The following ZNF844 variants were observed in gnomAD, a reference collection of about 807,000 sequenced individuals.
ZNF844 encodes the protein zinc finger protein 844.
Under a neutral mutation model 11.4 loss-of-function variants are expected in ZNF844, and 11 were observed. That is an observed-to-expected ratio of 0.97 (90% confidence interval 0.61 to 1.60). The LOEUF is 1.60. ZNF844 is among the 40% of genes most tolerant of loss of function. The pLI, the probability that ZNF844 is intolerant of heterozygous loss-of-function variation, is 0.00. For missense variants in ZNF844, 790 were observed against 796.8 expected (o/e 0.99, Z 0.10); for synonymous variants, 248 against 260.3 (o/e 0.95, Z 0.46).
chr19:12,070,576 C>T (rs1975744167), intron 1 of ZNF844, among the ~76,000 whole-genome samples: 1 of 152,178 alleles, frequency 6.6e-6, no homozygotes, highest in Admixed American at 6.6e-5. Context: ...CCAAGAAATC[C>T]ATCTTCCTCC....
At position 12,077,435 on chromosome 19, in the gene ZNF844, T is replaced by C; in HGVS notation, c.*314T>C. On this transcript the variant is annotated 3_prime_UTR_variant, in exon 4 of 4. Coordinates refer to ENST00000439326, the MANE Select transcript of ZNF844 (RefSeq NM_001136501.3). ...TGTCTTCTACTGCATTTCAGTATCA[T>C]GAAAAGACCCACACCAGAGAGAAAC... The C allele has an allele frequency of 6.2e-6, 4 of 643,474 alleles. No homozygotes were observed. The highest frequency in any genetic ancestry group is 1.2e-5 in the Non-Finnish European group (4 of 344,374). 39.9% of individuals were successfully genotyped at this position (643,474 alleles called of 1,614,324 possible). A position where few individuals can be genotyped will look rare whatever the true frequency, so the allele number is the denominator to read the frequency against.
Position 12,077,343 on chromosome 19 carries a change from C to T in ZNF844, c.*222C>T. On this transcript the variant is annotated 3_prime_UTR_variant, in exon 4 of 4. Transcript: ENST00000439326. ...AGCCTTTATTTCTTTCAGTTCCATT[C>T]AGTACCATGAAAGGACTCACACTGG... 1 of 889,908 alleles carries T rather than the reference C, an allele frequency of 1.1e-6. No homozygotes were observed. The highest frequency in any genetic ancestry group is 1.3e-5 in the South Asian group (1 of 75,042). 55.1% of individuals were successfully genotyped at this position (889,908 alleles called of 1,614,324 possible). A position where few individuals can be genotyped will look rare whatever the true frequency, so the allele number is the denominator to read the frequency against.
At position 12,064,761 on chromosome 19, in the gene ZNF844, G is replaced by T; in HGVS notation, c.-113G>T. 1 of 1,176,974 alleles carries T rather than the reference G, an allele frequency of 8.5e-7. No individual in the cohort carries two copies. Among genetic ancestry groups the T allele is most frequent in the Non-Finnish European group, 1.2e-6 (1 of 835,314 alleles). The allele number at this position is 1,176,974 out of a possible 1,614,324, so 72.9% of individuals were successfully genotyped here. On this transcript the variant is annotated 5_prime_UTR_variant, in exon 1 of 4. Transcript: ENST00000439326. ...TTGGCCCCTCCCGCCGGGTGAGGTT[G>T]GCACCCCGTTTTTCCTGCTCTGAGA...
chr19:12,077,279 C>T lies in ZNF844; in HGVS notation c.*158C>T. 7.7e-7 allele frequency: 1 copy of T among 1,306,138 alleles called. No homozygotes were observed. Among genetic ancestry groups the T allele is most frequent in the Admixed American group, 1.7e-5 (1 of 58,026 alleles). 80.9% of individuals were successfully genotyped at this position (1,306,138 alleles called of 1,614,324 possible). On this transcript the variant is annotated 3_prime_UTR_variant, in exon 4 of 4. Coordinates refer to ENST00000439326, the MANE Select transcript of ZNF844 (RefSeq NM_001136501.3). ...CCATTCGTAGACATGAAAGGACTCA[C>T]ACTGGAGAGAAACCCTATGAGTGTA... is the stretch of plus-strand genomic sequence containing the variant.
chr19:12,075,666 A>G lies in ZNF844; in HGVS notation c.546A>G (p.Ser182=). The G allele has an allele frequency of 6.2e-7, 1 of 1,612,266 alleles. No individual in the cohort carries two copies. Among genetic ancestry groups the G allele is most frequent in the Non-Finnish European group, 8.5e-7 (1 of 1,179,454 alleles). ...KECGKTFISH[S]SIQRHMIMHN... is the part of the protein sequence containing the mutation. Reference sequence around the variant, plus strand: ...GTGGAAAAACCTTCATATCCCATTCAAGCATTCAAAGACACATGATAATGC... The same window carrying G: ...GTGGAAAAACCTTCATATCCCATTCGAGCATTCAAAGACACATGATAATGC... The change falls in exon 4 of 4, where the codon TCA becomes TCG. Residue 182 remains serine, a synonymous_variant. Coordinates refer to ENST00000439326, the MANE Select transcript of ZNF844 (RefSeq NM_001136501.3).
At chr19:12,066,158 T>G (rs1261421181) in intron 1 of ZNF844, among the ~76,000 whole-genome samples, 1 of 151,976 alleles carries the variant, frequency 6.6e-6, no homozygotes, top group Admixed American at 6.6e-5. Flanking sequence ...ACTCCTGGGC[T>G]CAAGCGATCT....
Position 12,077,357 on chromosome 19 carries a change from GACTC to G in ZNF844, c.*239_*242del. ...TCAGTTCCATTCAGTACCATGAAAG[GACTC>G]ACACTGGAGAGAAACAGTATGAGTG... On this transcript the variant is annotated 3_prime_UTR_variant, in exon 4 of 4. Transcript: ENST00000439326. 4.9e-6 allele frequency: 4 copies of G among 821,352 alleles called. No individual in the cohort carries two copies. The Middle Eastern group carries it at 6.9e-4, about 142-fold the overall frequency. 50.9% of individuals were successfully genotyped at this position (821,352 alleles called of 1,614,324 possible).
chr19:12,064,952 C>A lies in ZNF844; in HGVS notation c.3+76C>A, dbSNP rs926562927. 13 of 1,496,072 alleles carry A rather than the reference C, an allele frequency of 8.7e-6. 1 individual carries two copies. The highest frequency in any genetic ancestry group is 2.8e-5 in the African/African-American group (2 of 70,828). The allele number at this position is 1,496,072 out of a possible 1,614,324, so 92.7% of individuals were successfully genotyped here. On this transcript the variant is annotated intron_variant, in intron 1 of 3. Coordinates refer to ENST00000439326, the MANE Select transcript of ZNF844 (RefSeq NM_001136501.3). ...GAGGCTGGTTGGAACTGGCTGGAAC[C>A]GGCTGTGCCGGGACCCGGACCTCCC...
Position 12,080,502 on chromosome 19 carries a change from A to T in ZNF844, c.*3381A>T. On this transcript the variant is annotated 3_prime_UTR_variant, in exon 4 of 4. Transcript: ENST00000439326. ...ATCAGTCACATTTTAGAGGCACCAA[A>T]CAGGTGCCACATCCATACAGGCTGA... 1 of 232,560 alleles carries T rather than the reference A, an allele frequency of 4.3e-6. No homozygotes were observed. Among genetic ancestry groups the T allele is most frequent in the South Asian group, 4.4e-5 (1 of 22,964 alleles). 14.4% of individuals were successfully genotyped at this position (232,560 alleles called of 1,614,324 possible). A position where few individuals can be genotyped will look rare whatever the true frequency, so the allele number is the denominator to read the frequency against.
chr19:12,069,178 C>CGTTTTTTT (rs760998604), intron 1 of ZNF844, among the ~76,000 whole-genome samples: 3 of 137,476 alleles, frequency 2.2e-5, no homozygotes, highest in African/African-American at 6.0e-5. Context: ...TTCTTTTATT[C>CGTTTTTTT]CTTTTTTTTT....
intron 3 of ZNF844, among the ~76,000 whole-genome samples, chr19:12,074,749 G>C (rs1797496745): frequency 6.6e-6 from 1 of 152,142 alleles, no homozygotes; most frequent in South Asian, 2.1e-4. Flanking sequence ...CTACATCGAA[G>C]GCTGAGGCAG....
chr19:12,066,546 T>G (rs551639463), intron 1 of ZNF844, among the ~76,000 whole-genome samples: 140 of 143,240 alleles, frequency 9.8e-4, no homozygotes, highest in African/African-American at 3.5e-3. Context: ...TTTTTTTTTT[T>G]TTTTTTTTGT....
In ZNF844 at chr19:12,064,758, G is replaced by C. The variant is rs1009298959; in HGVS notation, c.-116G>C. On this transcript the variant is annotated 5_prime_UTR_variant, in exon 1 of 4. Transcript: ENST00000439326. ...TCTTTGGCCCCTCCCGCCGGGTGAG[G>C]TTGGCACCCCGTTTTTCCTGCTCTG... The C allele has an allele frequency of 1.1e-5, 13 of 1,161,600 alleles. No individual in the cohort carries two copies. The highest frequency in any genetic ancestry group is 1.6e-5 in the Non-Finnish European group (13 of 822,124). The allele number at this position is 1,161,600 out of a possible 1,614,324, so 72.0% of individuals were successfully genotyped here. A position where few individuals can be genotyped will look rare whatever the true frequency, so the allele number is the denominator to read the frequency against.
At chr19:12,070,763 A>G (rs1359016936) in intron 1 of ZNF844, among the ~76,000 whole-genome samples, 2 of 152,168 alleles carry the variant, frequency 1.3e-5, no homozygotes, top group African/African-American at 4.8e-5. Context: ...TTTTTTGCCT[A>G]TATGTTATAG....
rs77202792 is a variant in ZNF844 at position 12,070,793 on chromosome 19, G to A, written c.4-3238G>A. Among the ~76,000 whole-genome samples, 743 of 152,246 alleles carry A rather than the reference G, an allele frequency of 4.9e-3. 5 individuals are homozygous for A. Among genetic ancestry groups the A allele is most frequent in the African/African-American group, 0.017 (725 of 41,552 alleles). On this transcript the variant is annotated intron_variant, in intron 1 of 3. Coordinates refer to ENST00000439326, the MANE Select transcript of ZNF844 (RefSeq NM_001136501.3). ...TTATAGGACAATTTAATATGGGAAA[G>A]AAATTGAACTCAACCTGAATGCATC...
intron 2 of ZNF844, 67 bp downstream of exon 2, chr19:12,074,224 C>CAAATCAAGGAA: frequency 6.2e-7 from 1 of 1,601,378 alleles, no homozygotes; most frequent in Non-Finnish European, 8.5e-7. Context: ...AATGCTATTC[C>CAAATCAAGGAA]TTGATTTGGA....
intron 3 of ZNF844, 136 bp from the exon 4 acceptor site, chr19:12,075,176 A>G (rs1008057273): frequency 5.6e-6 from 3 of 537,334 alleles, no homozygotes; most frequent in Non-Finnish European, 7.7e-6. Context: ...CACGTTGTGC[A>G]CATGTACCCT....
chr19:12,076,608 A>G lies in ZNF844; in HGVS notation c.1488A>G (p.Gly496=), dbSNP rs773128658. The change falls in exon 4 of 4, where the codon GGA becomes GGG. Residue 496 remains glycine, a synonymous_variant. Coordinates refer to ENST00000439326, the MANE Select transcript of ZNF844 (RefSeq NM_001136501.3). Reference sequence around the variant, plus strand: ...CACTTCCTTTCGATATCATGAAAGGACTCACACTGGAGAGAAACCCTATGA... The same window carrying G: ...CACTTCCTTTCGATATCATGAAAGGGCTCACACTGGAGAGAAACCCTATGA... ...FFPLPFDIMK[G]LTLERNPMSV... The G allele has an allele frequency of 8.7e-6, 14 of 1,612,790 alleles. No homozygotes were observed. The Admixed American group carries it at 2.3e-4, about 27-fold the overall frequency.
In ZNF844 at chr19:12,077,434, A is replaced by T; in HGVS notation, c.*313A>T. On this transcript the variant is annotated 3_prime_UTR_variant, in exon 4 of 4. Coordinates refer to ENST00000439326, the MANE Select transcript of ZNF844 (RefSeq NM_001136501.3). ...ATGTCTTCTACTGCATTTCAGTATC[A>T]TGAAAAGACCCACACCAGAGAGAAA... 1.5e-6 allele frequency: 1 copy of T among 647,080 alleles called. No homozygotes were observed. 40.1% of individuals were successfully genotyped at this position (647,080 alleles called of 1,614,324 possible).
Sources: allele counts gnomAD v4.1 joint callset (sites outside exome capture counted in the v4.1 genomes callset), GRCh38; gene constraint gnomAD v4.1.1; transcripts MANE v1.5; gene names NCBI Gene and HGNC (gene_info 2026-07-23, HGNC 2026-07-21).